CBX5: variants seen among roughly 807,000 people sequenced by gnomAD.
CBX5 encodes chromobox 5.
In CBX5, 7 loss-of-function variants were observed where a neutral mutation model predicts 20.7. The observed-to-expected ratio is 0.34, with a 90% CI of 0.19 to 0.63. The LOEUF is 0.63. Among genes scored for constraint, CBX5 ranks in the 30% least tolerant of loss-of-function variants. CBX5 has a pLI of 0.75. For synonymous variants in CBX5, 78 were observed against 77.0 expected, an observed-to-expected ratio of 1.01 and a Z score of -0.07; for missense variants, 110 against 224.1, an observed-to-expected ratio of 0.49 and a Z score of 3.25.
chr12:54,270,026 T>C (rs1274519846), intron 1 of CBX5, among the ~76,000 whole-genome samples: 2 of 152,214 alleles, frequency 1.3e-5, no homozygotes, highest in South Asian at 2.1e-4. Flanking sequence ...GTTCCTAATA[T>C]TGTTAATTAG....
intron 1 of CBX5, among the ~76,000 whole-genome samples, chr12:54,268,297 C>G (rs968044529): frequency 6.6e-6 from 1 of 152,174 alleles, no homozygotes; most frequent in African/African-American, 2.4e-5. Context: ...CAGAAGTTAT[C>G]GAACCTTGCA....
chr12:54,253,832 G>T (rs1943833735), intron 2 of CBX5, among the ~76,000 whole-genome samples: 1 of 149,768 alleles, frequency 6.7e-6, no homozygotes, highest in African/African-American at 2.5e-5. Flanking sequence ...GTGTGATATC[G>T]GCTCGCTGCA....
At position 54,235,413 on chromosome 12, in the gene CBX5, G is replaced by A. The variant is rs1943609863; in HGVS notation, c.*6342C>T. 1 of 152,256 alleles carries A rather than the reference G, an allele frequency of 6.6e-6. No homozygotes were observed. The highest frequency in any genetic ancestry group is 2.4e-5 in the African/African-American group (1 of 41,520). The allele number at this position is 152,256 out of a possible 1,614,324, so 9.4% of individuals were successfully genotyped here. On this transcript the variant is annotated 3_prime_UTR_variant, in exon 5 of 5. Coordinates refer to ENST00000209875, the MANE Select transcript of CBX5 (RefSeq NM_012117.3). The stretch of plus-strand genomic sequence containing the variant: ...GTGGATCATGAGGTCAGGAGATTGA[G>A]ACCATCCTGGCTAACAAGGTGAAAC...
At position 54,233,066 on chromosome 12, in the gene CBX5, A is replaced by G. The variant is rs371147048; in HGVS notation, c.*8689T>C. ...CTTACTACATCACATCCCTCCCCACAATACCCAGAGGGCTGCATTTTTCCA... is the reference window on the plus strand; with the variant it reads ...CTTACTACATCACATCCCTCCCCACGATACCCAGAGGGCTGCATTTTTCCA... On this transcript the variant is annotated 3_prime_UTR_variant, in exon 5 of 5. Transcript: ENST00000209875. 2.2e-4 allele frequency: 34 copies of G among 152,272 alleles called. 2 individuals carry two copies. The East Asian group carries it at 3.7e-3, about 16-fold the overall frequency. The allele number at this position is 152,272 out of a possible 1,614,324, so 9.4% of individuals were successfully genotyped here. A position where few individuals can be genotyped will look rare whatever the true frequency, so the allele number is the denominator to read the frequency against.
intron 4 of CBX5, among the ~76,000 whole-genome samples, chr12:54,244,306 C>T (rs1334822743): frequency 6.6e-6 from 1 of 151,844 alleles, no homozygotes; most frequent in Non-Finnish European, 1.5e-5. Flanking sequence ...GCCACCACGC[C>T]CGGCCTTGAT....
Position 54,246,712 on chromosome 12 carries a change from C to T in CBX5, c.325-497G>A, listed in dbSNP as rs147927329. Among the ~76,000 whole-genome samples the T allele has an allele frequency of 1.3e-3, 187 of 142,518 alleles. 2 individuals carry two copies. The East Asian group carries it at 0.021, about 16-fold the overall frequency. The allele number at this position is 142,518 out of a possible 152,430, so 93.5% of individuals were successfully genotyped here. Reference sequence around the variant, plus strand: ...AGTAGAATTGCTTGAACCCGGGATGCGGAGGTTGCAGTGAGCTGAGACCGC... The same window carrying T: ...AGTAGAATTGCTTGAACCCGGGATGTGGAGGTTGCAGTGAGCTGAGACCGC... On this transcript the variant is annotated intron_variant, in intron 3 of 4. Coordinates refer to ENST00000209875, the MANE Select transcript of CBX5 (RefSeq NM_012117.3).
rs956908962 is a variant in CBX5, at chr12:54,238,636, C to T, written c.*3119G>A. 2.6e-5 allele frequency: 4 copies of T among 152,160 alleles called. No homozygotes were observed. Among genetic ancestry groups the T allele is most frequent in the Non-Finnish European group, 5.9e-5 (4 of 68,014 alleles). The allele number at this position is 152,160 out of a possible 1,614,324, so 9.4% of individuals were successfully genotyped here. A position where few individuals can be genotyped will look rare whatever the true frequency, so the allele number is the denominator to read the frequency against. On this transcript the variant is annotated 3_prime_UTR_variant, in exon 5 of 5. Coordinates refer to ENST00000209875, the MANE Select transcript of CBX5 (RefSeq NM_012117.3). ...CTAGATTGTTATTTGAAGAAGAAAA[C>T]ATCATGGTTCTCTCCAGGTTTAAAA...
intron 4 of CBX5, among the ~76,000 whole-genome samples, chr12:54,242,843 G>A (rs1943692384): frequency 6.6e-6 from 1 of 152,174 alleles, no homozygotes; most frequent in Non-Finnish European, 1.5e-5. Context: ...ATCCTGAGAA[G>A]CTCAGGTGCA....
chr12:54,245,233 A>T (rs1288570585), intron 4 of CBX5, among the ~76,000 whole-genome samples: 1 of 151,224 alleles, frequency 6.6e-6, no homozygotes, highest in Admixed American at 6.6e-5. Flanking sequence ...CTAGCCTCGA[A>T]CTCCTGACCC....
intron 1 of CBX5, among the ~76,000 whole-genome samples, chr12:54,277,591 G>GC (rs1311153293): frequency 1.3e-5 from 2 of 152,142 alleles, no homozygotes; most frequent in African/African-American, 4.8e-5. Context: ...GCCCACCTTG[G>GC]CCTCCCAAAG....
chr12:54,274,936 T>C (rs1944046890), intron 1 of CBX5, among the ~76,000 whole-genome samples: 1 of 151,810 alleles, frequency 6.6e-6, no homozygotes. Context: ...CGCGACTCTG[T>C]CTCAAAAACA....
At chr12:54,251,307 A>G (rs1433625893) in intron 3 of CBX5, among the ~76,000 whole-genome samples, 1 of 151,764 alleles carries the variant, frequency 6.6e-6, no homozygotes, top group African/African-American at 2.4e-5. Context: ...AAAAATACAA[A>G]AATTATCAAG....
chr12:54,279,836 A>T (rs1944116384), intron 1 of CBX5, among the ~76,000 whole-genome samples, 172 bp downstream of exon 1: 1 of 152,138 alleles, frequency 6.6e-6, no homozygotes, highest in Non-Finnish European at 1.5e-5. Context: ...AGCTCCAAAG[A>T]ACCTACGGGG....
intron 3 of CBX5, 32 bp downstream of exon 3, chr12:54,252,009 T>G: frequency 6.6e-7 from 1 of 1,504,850 alleles, no homozygotes; most frequent in Non-Finnish European, 8.9e-7. Flanking sequence ...GGCAAAAGAA[T>G]AGTTTTTGGG....
intron 1 of CBX5, among the ~76,000 whole-genome samples, chr12:54,267,678 A>AT (rs1393001232): frequency 1.3e-5 from 2 of 151,676 alleles, no homozygotes; most frequent in Non-Finnish European, 2.9e-5. Flanking sequence ...CGCCCGGCTA[A>AT]TTTTTTTTGT....
chr12:54,270,708 T>C (rs1944000678), intron 1 of CBX5, among the ~76,000 whole-genome samples: 1 of 152,246 alleles, frequency 6.6e-6, no homozygotes. Context: ...GGGATTTTTC[T>C]TGATGTCTTT....
At chr12:54,246,904 G>A (rs1943743475) in intron 3 of CBX5, among the ~76,000 whole-genome samples, 3 of 151,944 alleles carry the variant, frequency 2.0e-5, no homozygotes, top group Non-Finnish European at 4.4e-5. Context: ...TTCTGAAATG[G>A]TAAAGAATAC....
At chr12:54,261,709 A>G (rs1423848050) in intron 1 of CBX5, among the ~76,000 whole-genome samples, 4 of 152,238 alleles carry the variant, frequency 2.6e-5, no homozygotes, top group African/African-American at 9.6e-5. Flanking sequence ...ATTAAGGGAT[A>G]TAAAAACAAT....
chr12:54,258,674 C>T (rs1179683725), intron 1 of CBX5, among the ~76,000 whole-genome samples: 1 of 152,180 alleles, frequency 6.6e-6, no homozygotes, highest in Non-Finnish European at 1.5e-5. Flanking sequence ...TAAAAATTCC[C>T]ATGTTGTTGT....
Sources: allele counts gnomAD v4.1 joint callset (sites outside exome capture counted in the v4.1 genomes callset), GRCh38; gene constraint gnomAD v4.1.1; transcripts MANE v1.5; gene names NCBI Gene and HGNC (gene_info 2026-07-23, HGNC 2026-07-21).